Variants in UNC5D observed in about 807,000 individuals in gnomAD.
The protein encoded by UNC5D is unc-5 netrin receptor D.
UNC5D carries 39 observed loss-of-function variants against 105.4 expected under a neutral mutation model. The ratio of observed to expected loss-of-function variants is 0.37; its 90% CI spans 0.29 to 0.48. The LOEUF (loss-of-function observed/expected upper bound fraction) is 0.48. Ranked by LOEUF, UNC5D falls within the 20% of genes least tolerant of loss-of-function variation. The probability of loss-of-function intolerance (pLI) is 0.98; values close to 1 mark genes in which losing one functional copy is unlikely to be tolerated. For missense variants in UNC5D, 991 were observed against 1,202.4 expected, an observed-to-expected ratio of 0.82 and a Z score of 2.60; for synonymous variants, 452 against 450.4, an observed-to-expected ratio of 1.00 and a Z score of -0.04.
intron 1 of UNC5D, among the ~76,000 whole-genome samples, chr8:35,375,310 G>A (rs1216331931): frequency 6.6e-6 from 1 of 152,184 alleles, no homozygotes; most frequent in African/African-American, 2.4e-5. Flanking sequence ...ATTAGCATGA[G>A]TCACTGAAGT....
chr8:35,681,919 GACAA>G (rs1825689529), intron 4 of UNC5D, among the ~76,000 whole-genome samples: 1 of 150,046 alleles, frequency 6.7e-6, no homozygotes. Context: ...TTTTCAAAAA[GACAA>G]ACAAATCATT....
rs192384027 is a variant in UNC5D, at chr8:35,701,140, C to T, written c.1085-4789C>T. Among the ~76,000 whole-genome samples, 31 of 152,262 alleles carry T rather than the reference C, an allele frequency of 2.0e-4. No homozygotes were observed. The East Asian group carries it at 4.2e-3, about 21-fold the overall frequency. On this transcript the variant is annotated intron_variant, in intron 7 of 16. Coordinates refer to ENST00000404895, the MANE Select transcript of UNC5D (RefSeq NM_080872.4). Reference sequence around the variant, plus strand: ...GAATGGTAAACATTGACTGTAATGACGTATTCGAATTGCTGCTGGGAAGTG... The same window carrying T: ...GAATGGTAAACATTGACTGTAATGATGTATTCGAATTGCTGCTGGGAAGTG...
chr8:35,304,934 A>C (rs559709542), intron 1 of UNC5D, among the ~76,000 whole-genome samples: 97 of 152,104 alleles, frequency 6.4e-4, no homozygotes, highest in Non-Finnish European at 1.3e-3. Flanking sequence ...AGCTATGAAC[A>C]AAAGGAAGTT....
intron 1 of UNC5D, among the ~76,000 whole-genome samples, chr8:35,447,786 T>C (rs762795805): frequency 6.6e-5 from 10 of 152,058 alleles, no homozygotes; most frequent in Non-Finnish European, 1.5e-4. Flanking sequence ...TCTACCCTCA[T>C]CGAGTGATAG....
At chr8:35,606,037 G>A (rs1820270616) in intron 4 of UNC5D, among the ~76,000 whole-genome samples, 1 of 151,560 alleles carries the variant, frequency 6.6e-6, no homozygotes, top group Non-Finnish European at 1.5e-5. Flanking sequence ...GCCCAGGCTG[G>A]AGTGCAACGG....
intron 1 of UNC5D, among the ~76,000 whole-genome samples, chr8:35,366,513 C>G (rs1802135001): frequency 6.6e-6 from 1 of 152,092 alleles, no homozygotes; most frequent in African/African-American, 2.4e-5. Context: ...GTTTTGTCAG[C>G]TCATCTAGCA....
intron 1 of UNC5D, among the ~76,000 whole-genome samples, chr8:35,298,661 G>A (rs1278490411): frequency 6.7e-6 from 1 of 150,246 alleles, no homozygotes; most frequent in Non-Finnish European, 1.5e-5. Flanking sequence ...GTTGAGTAGG[G>A]CCCAAACATA....
At chr8:35,752,782 C>T (rs1405566722) in intron 13 of UNC5D, among the ~76,000 whole-genome samples, 1 of 152,072 alleles carries the variant, frequency 6.6e-6, no homozygotes, top group African/African-American at 2.4e-5. Context: ...TAAAATGTAC[C>T]ATGACTCAAG....
intron 1 of UNC5D, among the ~76,000 whole-genome samples, chr8:35,307,056 A>C (rs762745496): frequency 2.6e-5 from 4 of 152,126 alleles, no homozygotes; most frequent in Middle Eastern, 3.2e-3. Flanking sequence ...CTACATTAGA[A>C]GAAGAATTGT....
At chr8:35,518,172 G>C (rs1444537954) in intron 1 of UNC5D, among the ~76,000 whole-genome samples, 2 of 152,040 alleles carry the variant, frequency 1.3e-5, no homozygotes, top group Admixed American at 6.6e-5. Flanking sequence ...TTATTATCAA[G>C]TAGCACTGTT....
At chr8:35,390,451 C>A (rs1425432784) in intron 1 of UNC5D, among the ~76,000 whole-genome samples, 2 of 151,388 alleles carry the variant, frequency 1.3e-5, no homozygotes, top group African/African-American at 4.9e-5. Flanking sequence ...TTCTAAGATT[C>A]TTTTAAGGGT....
intron 1 of UNC5D, 54 bp from the exon 2 acceptor site, chr8:35,549,238 G>T: frequency 6.4e-7 from 1 of 1,561,774 alleles, no homozygotes; most frequent in Non-Finnish European, 8.8e-7. Flanking sequence ...ATTGTGTCCT[G>T]GTGTATGTGC....
At chr8:35,505,333 T>C (rs1244230368) in intron 1 of UNC5D, among the ~76,000 whole-genome samples, 1 of 152,190 alleles carries the variant, frequency 6.6e-6, no homozygotes, top group African/African-American at 2.4e-5. Flanking sequence ...ACTTTGGAGA[T>C]ACGAAAAAGA....
chr8:35,431,492 A>C (rs188591457), intron 1 of UNC5D, among the ~76,000 whole-genome samples: 1 of 151,512 alleles, frequency 6.6e-6, no homozygotes, highest in Non-Finnish European at 1.5e-5. Context: ...TTAAGTAAAC[A>C]AAAAAGAATG....
chr8:35,292,350 A>G (rs774463798), intron 1 of UNC5D, among the ~76,000 whole-genome samples: 7 of 152,238 alleles, frequency 4.6e-5, no homozygotes, highest in Non-Finnish European at 8.8e-5. Flanking sequence ...TTGCATTGCT[A>G]CAAAGCCCAT....
chr8:35,640,203 A>G (rs778740419), intron 4 of UNC5D, among the ~76,000 whole-genome samples: 1 of 152,074 alleles, frequency 6.6e-6, no homozygotes, highest in Non-Finnish European at 1.5e-5. Flanking sequence ...CCTACTTTGT[A>G]TGTAACAACG....
At chr8:35,692,484 T>G (rs753303488) in intron 7 of UNC5D, among the ~76,000 whole-genome samples, 2 of 152,228 alleles carry the variant, frequency 1.3e-5, no homozygotes, top group Non-Finnish European at 2.9e-5. Flanking sequence ...TTAAAACAAC[T>G]TATTTCTGTA....
At chr8:35,761,913 G>C (rs1801552251) in intron 14 of UNC5D, among the ~76,000 whole-genome samples, 1 of 152,128 alleles carries the variant, frequency 6.6e-6, no homozygotes, top group Non-Finnish European at 1.5e-5. Context: ...GACAAACTTG[G>C]CATGGAGAAT....
chr8:35,732,842 C>T (rs567247653), intron 11 of UNC5D, among the ~76,000 whole-genome samples: 1 of 152,200 alleles, frequency 6.6e-6, no homozygotes, highest in Non-Finnish European at 1.5e-5. Flanking sequence ...TTCCAAGGCA[C>T]CTCATTTACA....
Sources: gnomAD v4.1 joint callset for allele counts (sites outside exome capture counted in the v4.1 genomes callset) on GRCh38, gnomAD v4.1.1 for gene constraint, MANE v1.5 for transcripts, NCBI Gene and HGNC (gene_info 2026-07-23, HGNC 2026-07-21) for gene names.